SLC23A1: variants seen among roughly 807,000 people sequenced by gnomAD.
SLC23A1 encodes Na(+)/L-ascorbic acid transporter 1.
Under a neutral mutation model 62.5 loss-of-function variants are expected in SLC23A1, and 31 were observed. The ratio of observed to expected loss-of-function variants is 0.50; its 90% CI spans 0.37 to 0.67. The LOEUF is 0.67. Among genes scored for constraint, SLC23A1 ranks in the 30% least tolerant of loss-of-function variants. The pLI, the probability that SLC23A1 is intolerant of heterozygous loss-of-function variation, is 0.00. For synonymous variants in SLC23A1, 271 were observed against 313.2 expected (o/e 0.87, Z 1.42); for missense variants, 640 against 782.7 (o/e 0.82, Z 2.18).
intron 3 of SLC23A1, among the ~76,000 whole-genome samples, chr5:139,381,330 C>T (rs1347747709): frequency 6.6e-6 from 1 of 152,218 alleles, no homozygotes; most frequent in Admixed American, 6.5e-5. Flanking sequence ...TCAGGGCTGC[C>T]ATCTGGGCAA....
intron 14 of SLC23A1, chr5:139,369,763 TACTC>T (rs1456591674): frequency 1.3e-5 from 2 of 152,418 alleles, no homozygotes; most frequent in African/African-American, 4.8e-5. Flanking sequence ...GTAGTGGTGT[TACTC>T]ACTTGAGTAT....
intron 13 of SLC23A1, among the ~76,000 whole-genome samples, chr5:139,373,544 C>T (rs1331495142): frequency 1.3e-5 from 2 of 151,962 alleles, no homozygotes; most frequent in African/African-American, 4.8e-5. Flanking sequence ...CTCAGGTTTT[C>T]ACAAGAGGGC....
chr5:139,374,739 C>T (rs1483687583), intron 13 of SLC23A1, among the ~76,000 whole-genome samples: 2 of 152,166 alleles, frequency 1.3e-5, no homozygotes, highest in African/African-American at 2.4e-5. Flanking sequence ...GGGACTCAGG[C>T]AGTTCTGCAG....
intron 3 of SLC23A1, 27 bp downstream of exon 3, chr5:139,381,865 G>A (rs1410735845): frequency 3.9e-6 from 6 of 1,522,912 alleles, no homozygotes; most frequent in Admixed American, 4.0e-5. Context: ...GGTGGCGGGG[G>A]ACGGGTTGGG....
At position 139,378,992 on chromosome 5, in the gene SLC23A1, G is replaced by A. The variant is rs1758093751; in HGVS notation, c.1073+215C>T. Among the ~76,000 whole-genome samples, 1 of 152,174 alleles carries A rather than the reference G, an allele frequency of 6.6e-6. No homozygotes were observed. The highest frequency in any genetic ancestry group is 2.1e-4 in the South Asian group (1 of 4,830). ...GGCACATGGAGGGCTGTCAATGACG[G>A]TGGTTCCCTTTGGACTCCACCATCT... On this transcript the variant is annotated intron_variant, in intron 9 of 14. Coordinates refer to ENST00000348729, the MANE Select transcript of SLC23A1 (RefSeq NM_005847.5). The surrounding 1 kb of genome is among the most constrained non-coding windows in gnomAD (Gnocchi z 4.5).
At chr5:139,372,941 CTG>C (rs1757755876) in intron 13 of SLC23A1, among the ~76,000 whole-genome samples, 1 of 152,074 alleles carries the variant, frequency 6.6e-6, no homozygotes, top group South Asian at 2.1e-4. Flanking sequence ...GAACCTAAAT[CTG>C]TGAGTATGTG....
At position 139,378,716 on chromosome 5, in the gene SLC23A1, C is replaced by T. The variant is rs1758078793; in HGVS notation, c.1074-32G>A. Reference sequence around the variant, plus strand: ...GGAAAGGGAGAGTCGGGGCTTGGTCCAGCCTCTGCACCAGTCTGTGTTCCC... The same window carrying T: ...GGAAAGGGAGAGTCGGGGCTTGGTCTAGCCTCTGCACCAGTCTGTGTTCCC... On this transcript the variant is annotated intron_variant, in intron 9 of 14. Transcript: ENST00000348729. This position sits in a 1 kb window ranked among gnomAD's most constrained non-coding sequence, Gnocchi z 4.5. The T allele has an allele frequency of 6.8e-7, 1 of 1,479,204 alleles. No individual in the cohort carries two copies. Among genetic ancestry groups the T allele is most frequent in the African/African-American group, 1.4e-5 (1 of 71,958 alleles). 91.6% of individuals were successfully genotyped at this position (1,479,204 alleles called of 1,614,324 possible).
chr5:139,380,837 C>T lies in SLC23A1; in HGVS notation c.358G>A (p.Ala120Thr). 1 of 1,401,938 alleles carries T rather than the reference C, an allele frequency of 7.1e-7. No homozygotes were observed. The highest frequency in any genetic ancestry group is 9.5e-7 in the Non-Finnish European group (1 of 1,054,256). 86.8% of individuals were successfully genotyped at this position (1,401,938 alleles called of 1,614,324 possible). ...SAFAFLVPAK[A>T]ILALERWKCP... ...TTCCATCTCTCCAGAGCCAGTATGG[C>T]TTTGGCTGGAACCAGAAATGCAAAG... Residue 120 changes from alanine to threonine, a missense_variant, in exon 4 of 15, where the codon GCC becomes ACC. Transcript: ENST00000348729.
rs757439498 is a variant in SLC23A1 at position 139,383,256 on chromosome 5, T to C, written c.-3A>G. ...TCGAGGTCCTCCTGGGCCCTCATCTTTGGGGCACAGGTTTGAGCAGTTCCT... is the reference window on the plus strand; with the variant it reads ...TCGAGGTCCTCCTGGGCCCTCATCTCTGGGGCACAGGTTTGAGCAGTTCCT... On this transcript the variant is annotated 5_prime_UTR_variant, in exon 1 of 15. Transcript: ENST00000348729. The C allele has an allele frequency of 2.7e-6, 4 of 1,507,870 alleles. No individual in the cohort carries two copies. Among genetic ancestry groups the C allele is most frequent in the East Asian group, 2.9e-5 (1 of 34,930 alleles). 93.4% of individuals were successfully genotyped at this position (1,507,870 alleles called of 1,614,324 possible).
intron 2 of SLC23A1, chr5:139,382,278 G>A (rs1295116778): frequency 1.7e-6 from 1 of 601,652 alleles, no homozygotes; most frequent in South Asian, 2.0e-5. Context: ...TCTGCTCCCT[G>A]TCACCAACAC....
Position 139,380,635 on chromosome 5 carries a change from G to A in SLC23A1, c.398-3C>T, listed in dbSNP as rs1758205234. 1.2e-6 allele frequency: 2 copies of A among 1,611,206 alleles called. No individual in the cohort carries two copies. Among genetic ancestry groups the A allele is most frequent in the Non-Finnish European group, 1.7e-6 (2 of 1,177,362 alleles). ...ACTCCAGTTACCGTAGATCTCCTCT[G>A]GGGGTAGAGTCAGGGATACACACAC... is the stretch of plus-strand genomic sequence containing the variant. On this transcript the variant is annotated splice_polypyrimidine_tract_variant and splice_region_variant and intron_variant, in intron 4 of 14. Coordinates refer to ENST00000348729, the MANE Select transcript of SLC23A1 (RefSeq NM_005847.5).
rs2152073227 is a variant in SLC23A1, at chr5:139,382,507, G to T, written c.135C>A (p.Ile45=). 3 of 1,610,450 alleles carry T rather than the reference G, an allele frequency of 1.9e-6. No homozygotes were observed. Among genetic ancestry groups the T allele is most frequent in the Non-Finnish European group, 2.5e-6 (3 of 1,176,864 alleles). ...GGGGACCCACCTGGAAGCCCAGCAG[G>T]ATGCACAGGTACCAAGGTGGCACGT... ...IEDVPPWYLC[I]LLGFQHYLTC... is the part of the protein sequence containing the mutation. Residue 45 remains isoleucine, a synonymous_variant, in exon 2 of 15, where the codon ATC becomes ATA. Transcript: ENST00000348729.
chr5:139,384,488 G>T, upstream of SLC23A1: 1 of 1,289,830 alleles, frequency 7.8e-7, no homozygotes, highest in Non-Finnish European at 1.0e-6. Context: ...CTGTTCCTCT[G>T]TCCGCCTGTC....
chr5:139,381,733 G>A (rs1192233681), intron 3 of SLC23A1, among the ~76,000 whole-genome samples, 159 bp downstream of exon 3: 1 of 151,910 alleles, frequency 6.6e-6, no homozygotes, highest in Non-Finnish European at 1.5e-5. Flanking sequence ...TTGGGGCCAC[G>A]CTGCCCAGCT....
intron 2 of SLC23A1, 32 bp from the exon 3 acceptor site, chr5:139,382,081 G>C (rs1021569606): frequency 6.3e-7 from 1 of 1,589,404 alleles, no homozygotes; most frequent in African/African-American, 1.3e-5. Context: ...AGTGCATGAG[G>C]CAGGACCCCA....
Position 139,378,436 on chromosome 5 carries a change from G to C in SLC23A1, c.1180-85C>G. The C allele has an allele frequency of 6.7e-7, 1 of 1,500,112 alleles. No homozygotes were observed. The highest frequency in any genetic ancestry group is 1.2e-5 in the South Asian group (1 of 80,122). 92.9% of individuals were successfully genotyped at this position (1,500,112 alleles called of 1,614,324 possible). The stretch of plus-strand genomic sequence containing the variant: ...CAGGGGCGGGGCCTGTTATAAGAGC[G>C]AGGCATAAACCGGCTGGGGCTTGAT... On this transcript the variant is annotated intron_variant, in intron 10 of 14. Transcript: ENST00000348729. This position sits in a 1 kb window ranked among gnomAD's most constrained non-coding sequence, Gnocchi z 4.5.
At chr5:139,384,677 A>C, upstream of SLC23A1, 1 of 1,204,136 alleles carries the variant, frequency 8.3e-7, no homozygotes, top group South Asian at 1.5e-5. Context: ...ATTCAACCCA[A>C]ACCACACAAC....
At chr5:139,382,629 C>CT (rs1056227803) in intron 1 of SLC23A1, 24 bp from the exon 2 acceptor site, 2 of 1,469,598 alleles carry the variant, frequency 1.4e-6, no homozygotes, top group African/African-American at 1.4e-5. Context: ...AGATAAGTAG[C>CT]TTAGGGTGAA....
intron 13 of SLC23A1, among the ~76,000 whole-genome samples, chr5:139,375,824 A>C (rs1757918645): frequency 9.5e-6 from 1 of 104,738 alleles, no homozygotes; most frequent in East Asian, 2.9e-4. Flanking sequence ...GACAAGAGCA[A>C]GACTCCATCT....
Sources: allele counts gnomAD v4.1 joint callset (sites outside exome capture counted in the v4.1 genomes callset), GRCh38; gene constraint gnomAD v4.1.1; non-coding constraint Gnocchi (gnomAD v3.1); transcripts MANE v1.5; gene names NCBI Gene and HGNC (gene_info 2026-07-23, HGNC 2026-07-21).